ECRG4: variants seen among roughly 807,000 people sequenced by gnomAD.
ECRG4 encodes augurin.
A neutral mutation model predicts 15.8 loss-of-function variants in ECRG4; 18 were observed. The ratio of observed to expected loss-of-function variants is 1.14; its 90% CI spans 0.79 to 1.69. The LOEUF is 1.69. ECRG4 is among the 40% of genes most tolerant of loss of function. ECRG4 has a pLI of 0.00. For missense variants in ECRG4, 200 were observed against 190.9 expected (o/e 1.05, Z -0.28); for synonymous variants, 82 against 73.9 (o/e 1.11, Z -0.56).
chr2:106,071,756 G>T, intron 1 of ECRG4, 88 bp from the exon 2 acceptor site: 1 of 1,117,352 alleles, frequency 8.9e-7, no homozygotes, highest in Non-Finnish European at 1.3e-6. Context: ...GGGGCCCGCA[G>T]TTCTTTTCTC....
chr2:106,065,550 G>A, upstream of ECRG4: 1 of 387,136 alleles, frequency 2.6e-6, no homozygotes, highest in Non-Finnish European at 4.5e-6. Context: ...GCCGGGGCGG[G>A]AGAGAGGACC....
At chr2:106,072,696 C>G (rs978773295) in intron 2 of ECRG4, among the ~76,000 whole-genome samples, 1 of 152,212 alleles carries the variant, frequency 6.6e-6, no homozygotes, top group Non-Finnish European at 1.5e-5. Flanking sequence ...GGCTGGAGAA[C>G]AGGCTTGGGG....
rs1553411470 is a variant in ECRG4 at position 106,067,064 on chromosome 2, G to GGC, written c.79+1222_79+1223insCG. 6.9e-5 allele frequency among the ~76,000 whole-genome samples: 3 copies of GGC among 43,554 alleles called. 1 individual carries two copies. Among genetic ancestry groups the GGC allele is most frequent in the Non-Finnish European group, 1.7e-4 (3 of 18,168 alleles). 28.6% of individuals were successfully genotyped at this position (43,554 alleles called of 152,430 possible). Reference sequence around the variant, plus strand: ...ATCCCAGCACTTTGGGAGGCCGGGGGGGGGGGGGGGGCAGATCACCTGAGG... The same window carrying GGC: ...ATCCCAGCACTTTGGGAGGCCGGGGGGCGGGGGGGGGGGCAGATCACCTGAGG... On this transcript the variant is annotated intron_variant, in intron 1 of 3. Coordinates refer to ENST00000238044, the MANE Select transcript of ECRG4 (RefSeq NM_032411.3).
intron 1 of ECRG4, among the ~76,000 whole-genome samples, chr2:106,069,365 AC>A (rs1471326701): frequency 8.2e-6 from 1 of 122,166 alleles, no homozygotes; most frequent in African/African-American, 3.2e-5. Flanking sequence ...ATAGAGTCTC[AC>A]TCTGTCACGC....
At chr2:106,074,777 C>A (rs1279674378) in intron 3 of ECRG4, among the ~76,000 whole-genome samples, 1 of 152,192 alleles carries the variant, frequency 6.6e-6, no homozygotes, top group African/African-American at 2.4e-5. Flanking sequence ...CACCAGGGAG[C>A]AGATGGGCTT....
chr2:106,074,110 C>T (rs1030912339), intron 3 of ECRG4, 67 bp downstream of exon 3: 73 of 1,574,414 alleles, frequency 4.6e-5, no homozygotes, highest in Middle Eastern at 2.3e-4. Flanking sequence ...AGGCCTGGCT[C>T]GGGGAAATAG....
intron 1 of ECRG4, among the ~76,000 whole-genome samples, chr2:106,066,120 C>G (rs1160385715): frequency 6.6e-6 from 1 of 152,158 alleles, no homozygotes; most frequent in African/African-American, 2.4e-5. Context: ...GCCAGGCGTC[C>G]GAAGGGTGGG....
rs1404105344 is a variant in ECRG4, at chr2:106,067,068, G to C, written c.79+1225G>C. 1.5e-4 allele frequency among the ~76,000 whole-genome samples: 14 copies of C among 96,266 alleles called. 3 individuals are homozygous for C. The highest frequency in any genetic ancestry group is 4.1e-4 in the South Asian group (1 of 2,434). The allele number at this position is 96,266 out of a possible 152,430, so 63.2% of individuals were successfully genotyped here. On this transcript the variant is annotated intron_variant, in intron 1 of 3. Transcript: ENST00000238044. ...CAGCACTTTGGGAGGCCGGGGGGGG[G>C]GGGGGGGCAGATCACCTGAGGTCGG...
intron 2 of ECRG4, among the ~76,000 whole-genome samples, chr2:106,073,035 T>C (rs983890540): frequency 1.3e-5 from 2 of 152,214 alleles, no homozygotes; most frequent in African/African-American, 2.4e-5. Flanking sequence ...CTGCTGGTAT[T>C]TGTCCATACG....
intron 1 of ECRG4, among the ~76,000 whole-genome samples, chr2:106,067,837 C>CTT (rs34289824): frequency 0.016 from 2,214 of 141,904 alleles, 19 homozygotes; most frequent in Non-Finnish European, 0.026. Flanking sequence ...CACCTCCAAA[C>CTT]TTTTTTTTTT....
chr2:106,066,567 A>T (rs1429204111), intron 1 of ECRG4, among the ~76,000 whole-genome samples: 2 of 152,182 alleles, frequency 1.3e-5, no homozygotes, highest in Non-Finnish European at 2.9e-5. Context: ...TAGGAGGAAC[A>T]TTTATGGTTC....
chr2:106,072,841 TCAA>T (rs1199772546), intron 2 of ECRG4, among the ~76,000 whole-genome samples: 1 of 152,124 alleles, frequency 6.6e-6, no homozygotes, highest in African/African-American at 2.4e-5. Flanking sequence ...TGCCCAGGGA[TCAA>T]CAACGCCCTC....
intron 1 of ECRG4, among the ~76,000 whole-genome samples, chr2:106,066,825 A>C (rs1254061577): frequency 6.6e-6 from 1 of 152,150 alleles, no homozygotes; most frequent in African/African-American, 2.4e-5. Context: ...GGCAGGGGAC[A>C]TTCAGTAGGA....
intron 3 of ECRG4, among the ~76,000 whole-genome samples, chr2:106,075,886 G>T (rs1558658652): frequency 6.6e-6 from 1 of 152,228 alleles, no homozygotes; most frequent in Middle Eastern, 3.4e-3. Context: ...CTCTGGCAAA[G>T]GAATATGATC....
At chr2:106,063,727 C>T (rs1676148194), upstream of ECRG4, among the ~76,000 whole-genome samples, 1 of 152,172 alleles carries the variant, frequency 6.6e-6, no homozygotes, top group South Asian at 2.1e-4. Context: ...GAACTACAGG[C>T]ACGCACCACC....
intron 1 of ECRG4, among the ~76,000 whole-genome samples, chr2:106,066,391 C>T (rs982699903): frequency 6.6e-6 from 1 of 152,212 alleles, no homozygotes; most frequent in African/African-American, 2.4e-5. Flanking sequence ...CCCAGCGAAT[C>T]GGTTGAAAAC....
At chr2:106,067,059 CGGG>C (rs1171603168) in intron 1 of ECRG4, among the ~76,000 whole-genome samples, 126 of 4,268 alleles carry the variant, frequency 0.03, 23 homozygotes, top group African/African-American at 0.11. Context: ...TTTGGGAGGC[CGGG>C]GGGGGGGGGG....
In ECRG4 at chr2:106,073,869, G is replaced by A; in HGVS notation, c.128-17G>A. On this transcript the variant is annotated splice_polypyrimidine_tract_variant and intron_variant, in intron 2 of 3. Transcript: ENST00000238044. The stretch of plus-strand genomic sequence containing the variant: ...GTCATTCTTTGTGCTTTGGGGATGG[G>A]GAATTGATGATTTCAGCACCTGTTC... The A allele has an allele frequency of 6.2e-7, 1 of 1,611,080 alleles. No homozygotes were observed. The highest frequency in any genetic ancestry group is 8.5e-7 in the Non-Finnish European group (1 of 1,177,314).
chr2:106,077,759 C>A lies in ECRG4; in HGVS notation c.286-6C>A, dbSNP rs1468022793. On this transcript the variant is annotated splice_region_variant and splice_polypyrimidine_tract_variant and intron_variant, in intron 3 of 3. Coordinates refer to ENST00000238044, the MANE Select transcript of ECRG4 (RefSeq NM_032411.3). ...ATTCTCTATCATTCTCTCTCTTTTC[C>A]TCCAGAAATTTGAAGATGACATCAC... is the stretch of plus-strand genomic sequence containing the variant. 6.2e-7 allele frequency: 1 copy of A among 1,613,208 alleles called. No homozygotes were observed. The highest frequency in any genetic ancestry group is 1.3e-5 in the African/African-American group (1 of 74,858).
Sources: allele counts gnomAD v4.1 joint callset (sites outside exome capture counted in the v4.1 genomes callset), GRCh38; gene constraint gnomAD v4.1.1; transcripts MANE v1.5; gene names NCBI Gene and HGNC (gene_info 2026-07-23, HGNC 2026-07-21).